FOXP4: variants seen among roughly 807,000 people sequenced by gnomAD.
The protein encoded by FOXP4 is forkhead box protein P4.
Under a neutral mutation model 82.6 loss-of-function variants are expected in FOXP4, and 25 were observed. The ratio of observed to expected loss-of-function variants is 0.30; its 90% CI spans 0.22 to 0.42. The LOEUF is 0.42. FOXP4 is among the 10% of genes least tolerant of loss of function. The pLI is 1.00. For synonymous variants in FOXP4, 415 were observed against 388.2 expected, an observed-to-expected ratio of 1.07 and a Z score of -0.81; for missense variants, 785 against 900.9, an observed-to-expected ratio of 0.87 and a Z score of 1.65.
In FOXP4 at chr6:41,597,966, G is replaced by T; in HGVS notation, c.1895+16G>T. 6.8e-7 allele frequency: 1 copy of T among 1,480,442 alleles called. No individual in the cohort carries two copies. Among genetic ancestry groups the T allele is most frequent in the Non-Finnish European group, 9.0e-7 (1 of 1,115,238 alleles). The allele number at this position is 1,480,442 out of a possible 1,614,324, so 91.7% of individuals were successfully genotyped here. On this transcript the variant is annotated intron_variant, in intron 16 of 16. Coordinates refer to ENST00000307972, the MANE Select transcript of FOXP4 (RefSeq NM_001012426.2). ...CCCAGTACAGGTGAGCACACAGCAC[G>T]GACCCCCACCCACCCCAGCACCCCT...
chr6:41,567,263 A>T (rs779821196), intron 2 of FOXP4, among the ~76,000 whole-genome samples: 3 of 152,248 alleles, frequency 2.0e-5, no homozygotes, highest in Non-Finnish European at 4.4e-5. Context: ...TGTGCAACAC[A>T]TGCAGCTCAT....
intron 5 of FOXP4, among the ~76,000 whole-genome samples, chr6:41,586,416 G>A (rs541953536): frequency 6.6e-6 from 1 of 152,298 alleles, no homozygotes; most frequent in East Asian, 1.9e-4. Context: ...GAACTGAATG[G>A]GTGGGGGTAG....
In FOXP4 at chr6:41,551,789, T is replaced by C. The variant is rs142046406; in HGVS notation, c.-17+4922T>C. The stretch of plus-strand genomic sequence containing the variant: ...GATGGCGACTTGAAGGTAGGGTGGC[T>C]TAGGGAATGGAGCCAGGGACTCAGT... On this transcript the variant is annotated intron_variant, in intron 1 of 16. Coordinates refer to ENST00000307972, the MANE Select transcript of FOXP4 (RefSeq NM_001012426.2). Among the ~76,000 whole-genome samples, 422 of 152,184 alleles carry C rather than the reference T, an allele frequency of 2.8e-3. 2 individuals are homozygous for C. The highest frequency in any genetic ancestry group is 9.6e-3 in the African/African-American group (399 of 41,512).
chr6:41,550,973 A>C (rs576366789), intron 1 of FOXP4, among the ~76,000 whole-genome samples: 3 of 152,258 alleles, frequency 2.0e-5, no homozygotes, highest in South Asian at 4.1e-4. Context: ...GGATCATCTC[A>C]AAGAAGCAAA....
chr6:41,570,105 C>G (rs185800353), intron 2 of FOXP4: 115 of 344,620 alleles, frequency 3.3e-4, no homozygotes, highest in Admixed American at 7.6e-4. Flanking sequence ...CACACACACA[C>G]ACACACACAC....
rs1199469470 is a variant in FOXP4, at chr6:41,546,451, G to A, written c.-433G>A. On this transcript the variant is annotated 5_prime_UTR_variant, in exon 1 of 17. Transcript: ENST00000307972. ...GCCGTCCCTGCGGACCGGACAGTGC[G>A]GCCGGCGGCCGGCGGCCGGGACGGA... 1 of 149,850 alleles carries A rather than the reference G, an allele frequency of 6.7e-6. No homozygotes were observed. Among genetic ancestry groups the A allele is most frequent in the Non-Finnish European group, 1.5e-5 (1 of 66,950 alleles). The allele number at this position is 149,850 out of a possible 1,614,324, so 9.3% of individuals were successfully genotyped here.
chr6:41,597,376 C>A, intron 15 of FOXP4, 134 bp downstream of exon 15: 1 of 882,732 alleles, frequency 1.1e-6, no homozygotes, highest in Non-Finnish European at 1.8e-6. Flanking sequence ...CTCTCCGAGA[C>A]CCCACCTCTC....
chr6:41,575,913 C>G (rs2127371090), intron 2 of FOXP4, among the ~76,000 whole-genome samples: 1 of 152,276 alleles, frequency 6.6e-6, no homozygotes, highest in Non-Finnish European at 1.5e-5. Context: ...TGTACCCCCT[C>G]AACCCTACTC....
chr6:41,578,202 C>T lies in FOXP4; in HGVS notation c.300+121C>T, dbSNP rs1765599747. On this transcript the variant is annotated intron_variant, in intron 3 of 16. Transcript: ENST00000307972. ...AGTTCCAACACCAAAAAGTGGGCAACTTTTCAAAGGAAATACAGTCACTGC... is the reference window on the plus strand; with the variant it reads ...AGTTCCAACACCAAAAAGTGGGCAATTTTTCAAAGGAAATACAGTCACTGC... 5.1e-6 allele frequency: 4 copies of T among 777,982 alleles called. No individual in the cohort carries two copies. In the East Asian group the frequency reaches 8.1e-5, roughly 16 times the overall value. The allele number at this position is 777,982 out of a possible 1,614,324, so 48.2% of individuals were successfully genotyped here.
chr6:41,589,728 G>T, intron 9 of FOXP4, 43 bp from the exon 10 acceptor site: 1 of 1,592,440 alleles, frequency 6.3e-7, no homozygotes, highest in Non-Finnish European at 8.6e-7. Context: ...CTGCCTCCAG[G>T]GTTCAGCCTC....
intron 16 of FOXP4, among the ~76,000 whole-genome samples, chr6:41,598,183 C>T (rs371164546): frequency 1.3e-4 from 20 of 148,420 alleles, no homozygotes; most frequent in African/African-American, 4.9e-4. Context: ...TCCCCATTTT[C>T]CCCCTTTCTT....
chr6:41,571,148 C>T (rs889343390), intron 2 of FOXP4, among the ~76,000 whole-genome samples: 1 of 152,132 alleles, frequency 6.6e-6, no homozygotes, highest in African/African-American at 2.4e-5. Flanking sequence ...CACTGCCACT[C>T]GGTCACCCAC....
At chr6:41,576,060 C>A (rs953957381) in intron 2 of FOXP4, among the ~76,000 whole-genome samples, 5 of 151,494 alleles carry the variant, frequency 3.3e-5, no homozygotes, top group Middle Eastern at 3.5e-3. Flanking sequence ...CCCCCCCCCC[C>A]ACCCTTCCTC....
intron 3 of FOXP4, among the ~76,000 whole-genome samples, chr6:41,584,093 C>A (rs1765955981): frequency 6.6e-6 from 1 of 152,244 alleles, no homozygotes; most frequent in Admixed American, 6.5e-5. Flanking sequence ...ATTCTTCCCA[C>A]CCCACCCTAG....
chr6:41,586,315 A>G (rs887164304), intron 5 of FOXP4, among the ~76,000 whole-genome samples: 3 of 151,652 alleles, frequency 2.0e-5, no homozygotes, highest in Non-Finnish European at 4.4e-5. Flanking sequence ...AGGCAGAGAC[A>G]TCTCTGCCTC....
At chr6:41,562,860 G>C (rs1317016340) in intron 1 of FOXP4, among the ~76,000 whole-genome samples, 2 of 152,234 alleles carry the variant, frequency 1.3e-5, no homozygotes, top group African/African-American at 2.4e-5. Flanking sequence ...AGGCCCAAGT[G>C]GGGGAAGGTG....
In FOXP4 at chr6:41,587,339, C is replaced by T. The variant is rs762973948; in HGVS notation, c.699C>T (p.Gly233=). 1.1e-5 allele frequency: 17 copies of T among 1,611,828 alleles called. No individual in the cohort carries two copies. Among genetic ancestry groups the T allele is most frequent in the Middle Eastern group, 1.7e-4 (1 of 6,048 alleles). ...CPTDLPQLWK[G]EGAPGQPAED... is the part of the protein sequence containing the mutation. The stretch of plus-strand genomic sequence containing the variant: ...CAGACCTGCCCCAGCTGTGGAAGGG[C>T]GAGGGTGCCCCCGGGCAGCCTGCCG... The change falls in exon 7 of 17, where the codon GGC becomes GGT. Residue 233 remains glycine (G), a synonymous_variant. Coordinates refer to ENST00000307972, the MANE Select transcript of FOXP4 (RefSeq NM_001012426.2).
chr6:41,575,126 G>A (rs113661744), intron 2 of FOXP4, among the ~76,000 whole-genome samples: 11 of 152,112 alleles, frequency 7.2e-5, no homozygotes, highest in African/African-American at 2.2e-4. Context: ...CCACCACCAC[G>A]CCTGGCTAAT....
Position 41,597,772 on chromosome 6 carries a change from C to A in FOXP4, c.1726-9C>A. Reference sequence around the variant, plus strand: ...GCCACTGACGAGGCCCAACCCTGTGCCCCTGCAGGCCGCCCTGGCCGAGAG... The same window carrying A: ...GCCACTGACGAGGCCCAACCCTGTGACCCTGCAGGCCGCCCTGGCCGAGAG... On this transcript the variant is annotated splice_polypyrimidine_tract_variant and intron_variant, in intron 15 of 16. Coordinates refer to ENST00000307972, the MANE Select transcript of FOXP4 (RefSeq NM_001012426.2). 6.2e-7 allele frequency: 1 copy of A among 1,604,222 alleles called. No homozygotes were observed. The highest frequency in any genetic ancestry group is 8.5e-7 in the Non-Finnish European group (1 of 1,178,536).
Sources: allele counts gnomAD v4.1 joint callset (sites outside exome capture counted in the v4.1 genomes callset), GRCh38; gene constraint gnomAD v4.1.1; transcripts MANE v1.5; gene names NCBI Gene and HGNC (gene_info 2026-07-23, HGNC 2026-07-21).